LYPD6: variants seen among roughly 807,000 people sequenced by gnomAD.
LYPD6 encodes LY6/PLAUR domain containing 6.
In LYPD6, 15 loss-of-function variants were observed where a neutral mutation model predicts 22.7. That is an observed-to-expected ratio of 0.66 (90% confidence interval 0.44 to 1.02). The LOEUF (loss-of-function observed/expected upper bound fraction) is 1.02, where lower values mean the gene tolerates loss of function less well. LYPD6 is among the 50% of genes least tolerant of loss of function. The pLI, the probability that LYPD6 is intolerant of heterozygous loss-of-function variation, is 0.00. For missense variants in LYPD6, 189 were observed against 208.4 expected (o/e 0.91, Z 0.57); for synonymous variants, 72 against 77.5 (o/e 0.93, Z 0.37).
chr2:149,369,069 G>A (rs1681744096), intron 1 of LYPD6, among the ~76,000 whole-genome samples: 1 of 152,066 alleles, frequency 6.6e-6, no homozygotes, highest in African/African-American at 2.4e-5. Context: ...CCAGGGGAGA[G>A]TATGCGGACC....
chr2:149,457,985 A>C (rs1185831995), intron 3 of LYPD6, among the ~76,000 whole-genome samples: 2 of 152,174 alleles, frequency 1.3e-5, no homozygotes. Context: ...CCCCAACAGA[A>C]GTTTGCTCTC....
intron 1 of LYPD6, among the ~76,000 whole-genome samples, chr2:149,365,413 T>C (rs1264394162): frequency 1.3e-5 from 2 of 152,250 alleles, no homozygotes; most frequent in Non-Finnish European, 2.9e-5. Flanking sequence ...GTAGGTCTTC[T>C]GATTTCAAGT....
intron 2 of LYPD6, among the ~76,000 whole-genome samples, chr2:149,441,351 G>A (rs1022447720): frequency 2.0e-5 from 3 of 152,150 alleles, no homozygotes; most frequent in African/African-American, 4.8e-5. Context: ...GAGAAATATG[G>A]TGATGCTGGA....
chr2:149,359,681 T>C (rs1681533582), intron 1 of LYPD6, among the ~76,000 whole-genome samples: 1 of 152,174 alleles, frequency 6.6e-6, no homozygotes, highest in African/African-American at 2.4e-5. Context: ...GTAGATGGCA[T>C]TTCTTCCTGT....
At chr2:149,394,029 C>T (rs1379498456) in intron 1 of LYPD6, among the ~76,000 whole-genome samples, 1 of 152,216 alleles carries the variant, frequency 6.6e-6, no homozygotes, top group African/African-American at 2.4e-5. Flanking sequence ...GGCAGCTCTA[C>T]AGTCTCAAAT....
At chr2:149,458,401 G>A (rs1225507738) in intron 3 of LYPD6, among the ~76,000 whole-genome samples, 5 of 152,126 alleles carry the variant, frequency 3.3e-5, no homozygotes, top group Admixed American at 2.0e-4. Context: ...TGGTATTGAG[G>A]CTACAACACA....
At chr2:149,373,392 A>T (rs1358505429) in intron 1 of LYPD6, among the ~76,000 whole-genome samples, 1 of 152,204 alleles carries the variant, frequency 6.6e-6, no homozygotes, top group Non-Finnish European at 1.5e-5. Flanking sequence ...ATGAGAATGC[A>T]TGAAATCACT....
rs1226602948 is a variant in LYPD6, at chr2:149,473,569, T to C, written c.*2719T>C. 1 of 152,356 alleles carries C rather than the reference T, an allele frequency of 6.6e-6. No individual in the cohort carries two copies. Among genetic ancestry groups the C allele is most frequent in the Admixed American group, 6.5e-5 (1 of 15,282 alleles). 9.4% of individuals were successfully genotyped at this position (152,356 alleles called of 1,614,324 possible). ...TTCATGTCAATATGGGATTAATGCCTAAACTTTGTAAATATTGTACAGTTT... is the reference window on the plus strand; with the variant it reads ...TTCATGTCAATATGGGATTAATGCCCAAACTTTGTAAATATTGTACAGTTT... On this transcript the variant is annotated 3_prime_UTR_variant, in exon 5 of 5. Transcript: ENST00000334166.
At chr2:149,455,410 C>A (rs541837415) in intron 3 of LYPD6, among the ~76,000 whole-genome samples, 1 of 151,962 alleles carries the variant, frequency 6.6e-6, no homozygotes, top group South Asian at 2.1e-4. Context: ...AGGCGCCCAC[C>A]ACCACACCCA....
downstream of LYPD6, among the ~76,000 whole-genome samples, chr2:149,477,349 G>T (rs570721297): frequency 2.0e-5 from 3 of 152,076 alleles, no homozygotes; most frequent in Non-Finnish European, 4.4e-5. Flanking sequence ...TCAGCCGGGC[G>T]TGGTGGCTCA....
rs557990531 is a variant in LYPD6 at position 149,367,886 on chromosome 2, G to A, written c.-72+37164G>A. Reference sequence around the variant, plus strand: ...GTTAGAGGGAAAGGAATATATTCTGGTTCTGGAGATTTTCAGTTTTCTTTT... The same window carrying A: ...GTTAGAGGGAAAGGAATATATTCTGATTCTGGAGATTTTCAGTTTTCTTTT... On this transcript the variant is annotated intron_variant, in intron 1 of 4. Transcript: ENST00000334166. 5 of 152,254 alleles carry A rather than the reference G, an allele frequency of 3.3e-5. No individual in the cohort carries two copies. The East Asian group carries it at 9.6e-4, about 29-fold the overall frequency. The allele number at this position is 152,254 out of a possible 1,614,324, so 9.4% of individuals were successfully genotyped here.
chr2:149,402,714 C>A (rs1202330328), intron 1 of LYPD6, among the ~76,000 whole-genome samples: 1 of 151,126 alleles, frequency 6.6e-6, no homozygotes, highest in Non-Finnish European at 1.5e-5. Flanking sequence ...CCTTAGCCCA[C>A]TTTTTTTTTA....
rs77432004 is a variant in LYPD6, at chr2:149,397,868, C to T, written c.-71-39770C>T. Among the ~76,000 whole-genome samples, 838 of 152,046 alleles carry T rather than the reference C, an allele frequency of 5.5e-3. 8 individuals carry two copies. Among genetic ancestry groups the T allele is most frequent in the African/African-American group, 0.019 (778 of 41,456 alleles). ...AAAAGCAGAAATAAGATAGTTATCACCACTTATTAACAGACCTTTGGAGGT... is the reference window on the plus strand; with the variant it reads ...AAAAGCAGAAATAAGATAGTTATCATCACTTATTAACAGACCTTTGGAGGT... On this transcript the variant is annotated intron_variant, in intron 1 of 4. Transcript: ENST00000334166.
intron 1 of LYPD6, among the ~76,000 whole-genome samples, chr2:149,342,647 A>G (rs1309158795): frequency 1.3e-5 from 2 of 152,216 alleles, no homozygotes; most frequent in Non-Finnish European, 2.9e-5. Context: ...TAATGTGCAT[A>G]GTTAGGGCTG....
rs114939517 is a variant in LYPD6 at position 149,359,689 on chromosome 2, T to C, written c.-72+28967T>C. On this transcript the variant is annotated intron_variant, in intron 1 of 4. Transcript: ENST00000334166. ...CAGACATGTAGATGGCATTTCTTCC[T>C]GTTTTTTCTTTTTCTTAGAGTTAAC... Among the ~76,000 whole-genome samples the C allele has an allele frequency of 2.8e-3, 421 of 152,298 alleles. 3 individuals are homozygous for C. The highest frequency in any genetic ancestry group is 9.9e-3 in the African/African-American group (410 of 41,568).
intron 1 of LYPD6, among the ~76,000 whole-genome samples, chr2:149,422,520 C>T (rs1194911607): frequency 6.6e-6 from 1 of 152,146 alleles, no homozygotes; most frequent in African/African-American, 2.4e-5. Context: ...CTGCCACACC[C>T]ATTTGAAATA....
intron 1 of LYPD6, among the ~76,000 whole-genome samples, chr2:149,432,528 T>C (rs1204449892): frequency 1.3e-5 from 2 of 152,178 alleles, no homozygotes; most frequent in Non-Finnish European, 2.9e-5. Context: ...GGAGTGAAGC[T>C]TGATCAGTGG....
intron 1 of LYPD6, among the ~76,000 whole-genome samples, chr2:149,360,270 A>G (rs917529315): frequency 1.3e-5 from 2 of 152,198 alleles, no homozygotes; most frequent in African/African-American, 4.8e-5. Context: ...CAACTTGTTT[A>G]TCAGCAGGGG....
intron 1 of LYPD6, among the ~76,000 whole-genome samples, chr2:149,416,413 G>T (rs1320145140): frequency 2.0e-5 from 3 of 152,106 alleles, no homozygotes; most frequent in Non-Finnish European, 2.9e-5. Flanking sequence ...CACCCACATG[G>T]GTTGCCTCGG....
Sources: gnomAD v4.1 joint callset for allele counts (sites outside exome capture counted in the v4.1 genomes callset) on GRCh38, gnomAD v4.1.1 for gene constraint, MANE v1.5 for transcripts, NCBI Gene and HGNC (gene_info 2026-07-23, HGNC 2026-07-21) for gene names.